The following HMCN1 variants were observed in gnomAD, a reference collection of about 807,000 sequenced individuals.
HMCN1 encodes the protein hemicentin 1.
In HMCN1, 321 loss-of-function variants were observed where a neutral mutation model predicts 625.9. The ratio of observed to expected loss-of-function variants is 0.51; its 90% CI spans 0.47 to 0.56. The LOEUF (loss-of-function observed/expected upper bound fraction) is 0.56. HMCN1 is among the 20% of genes least tolerant of loss of function. The pLI, the probability that HMCN1 is intolerant of heterozygous loss-of-function variation, is 0.00. For missense variants in HMCN1, 6,588 were observed against 6,887.3 expected (o/e 0.96, Z 1.54); for synonymous variants, 2,425 against 2,417.6 (o/e 1.00, Z -0.09).
At chr1:186,052,905 A>G (rs1657057012) in intron 42 of HMCN1, 47 bp from the exon 43 acceptor site, 2 of 1,487,522 alleles carry the variant, frequency 1.3e-6, no homozygotes, top group Non-Finnish European at 1.9e-6. Context: ...TGTTATGAGA[A>G]TTCTATATGA....
At chr1:186,012,314 G>GT (rs1282606915) in intron 30 of HMCN1, among the ~76,000 whole-genome samples, 1 of 149,808 alleles carries the variant, frequency 6.7e-6, no homozygotes, top group Non-Finnish European at 1.5e-5. Context: ...ATAAATTAGT[G>GT]TTTTTTTCAA....
chr1:185,849,925 A>C (rs930875808), intron 2 of HMCN1, among the ~76,000 whole-genome samples: 8 of 152,130 alleles, frequency 5.3e-5, no homozygotes, highest in South Asian at 2.1e-4. Context: ...CTCTGCCTCA[A>C]TATAGCAAAA....
At chr1:185,954,393 A>G (rs920581275) in intron 11 of HMCN1, among the ~76,000 whole-genome samples, 1 of 152,150 alleles carries the variant, frequency 6.6e-6, no homozygotes, top group Non-Finnish European at 1.5e-5. Flanking sequence ...ATATTAATCA[A>G]TGGAGTATCT....
chr1:186,174,786 A>G, intron 103 of HMCN1, 144 bp downstream of exon 103: 1 of 751,684 alleles, frequency 1.3e-6, no homozygotes, highest in Admixed American at 2.1e-5. Context: ...GTCATTCAAC[A>G]CAATTTGGAT....
intron 89 of HMCN1, among the ~76,000 whole-genome samples, chr1:186,139,714 T>C (rs1217006771): frequency 1.3e-5 from 2 of 152,120 alleles, no homozygotes; most frequent in East Asian, 3.9e-4. Context: ...AATGAAAGCA[T>C]GTATTTCTTC....
intron 105 of HMCN1, among the ~76,000 whole-genome samples, chr1:186,184,668 C>CTT (rs386368996): frequency 6.6e-6 from 1 of 152,050 alleles, no homozygotes; most frequent in African/African-American, 2.4e-5. Flanking sequence ...ATCTAAATTA[C>CTT]TTATATTTTC....
intron 93 of HMCN1, among the ~76,000 whole-genome samples, chr1:186,147,861 TGA>T (rs1447061609): frequency 6.6e-6 from 1 of 152,234 alleles, no homozygotes; most frequent in Non-Finnish European, 1.5e-5. Context: ...GCCTTGATGT[TGA>T]TGGCTGCTGA....
In HMCN1 at chr1:186,128,136, A is replaced by G; in HGVS notation, c.12749A>G (p.His4250Arg). 1 of 1,613,678 alleles carries G rather than the reference A, an allele frequency of 6.2e-7. No individual in the cohort carries two copies. Among genetic ancestry groups the G allele is most frequent in the Non-Finnish European group, 8.5e-7 (1 of 1,179,730 alleles). ...VANNAAGEDT[H>R]TVSLTVHVLP... The stretch of plus-strand genomic sequence containing the variant: ...AACAATGCTGCAGGTGAAGATACAC[A>G]CACTGTCAGCCTGACTGTGCATGTT... Residue 4250 changes from histidine to arginine, a missense_variant, in exon 83 of 107, where the codon CAC (histidine) becomes CGC (arginine). His to Arg is a conservative substitution (Grantham distance 29, BLOSUM62 0). Coordinates refer to ENST00000271588, the MANE Select transcript of HMCN1 (RefSeq NM_031935.3).
chr1:185,749,999 T>C (rs1339689071), intron 1 of HMCN1, among the ~76,000 whole-genome samples: 1 of 152,224 alleles, frequency 6.6e-6, no homozygotes, highest in African/African-American at 2.4e-5. Context: ...AAGCCTTCCC[T>C]GATTACCCAC....
intron 1 of HMCN1, among the ~76,000 whole-genome samples, chr1:185,741,347 G>T (rs1221772865): frequency 6.6e-6 from 1 of 152,176 alleles, no homozygotes; most frequent in Non-Finnish European, 1.5e-5. Flanking sequence ...TTTGATAAAG[G>T]GTGGTAGGAT....
intron 11 of HMCN1, among the ~76,000 whole-genome samples, chr1:185,952,396 G>A (rs1409285270): frequency 2.0e-5 from 3 of 151,590 alleles, no homozygotes; most frequent in Non-Finnish European, 4.4e-5. Flanking sequence ...TGTAGAAAAG[G>A]AAGATTAGAA....
chr1:185,761,970 C>T (rs1240163471), intron 1 of HMCN1, among the ~76,000 whole-genome samples: 3 of 152,034 alleles, frequency 2.0e-5, no homozygotes, highest in Non-Finnish European at 4.4e-5. Flanking sequence ...TGACTTTGTA[C>T]AAAGGATAAG....
At chr1:185,789,645 A>C (rs972964163) in intron 1 of HMCN1, among the ~76,000 whole-genome samples, 6 of 152,238 alleles carry the variant, frequency 3.9e-5, no homozygotes, top group African/African-American at 1.4e-4. Context: ...TGAATGAAGA[A>C]TGATACTTTC....
intron 4 of HMCN1, among the ~76,000 whole-genome samples, chr1:185,881,001 G>A (rs151164902): frequency 1.0e-3 from 157 of 152,318 alleles, no homozygotes; most frequent in African/African-American, 3.4e-3. Context: ...AAATCTTTGC[G>A]GCAGCATCCA....
chr1:186,009,640 G>T (rs553506238), intron 30 of HMCN1, among the ~76,000 whole-genome samples: 1 of 151,868 alleles, frequency 6.6e-6, no homozygotes, highest in South Asian at 2.1e-4. Flanking sequence ...ACACTTAAAA[G>T]GTATAAATGA....
chr1:185,877,072 G>GTTGATTTT (rs1405682722), intron 4 of HMCN1, among the ~76,000 whole-genome samples: 1 of 151,852 alleles, frequency 6.6e-6, no homozygotes, highest in African/African-American at 2.4e-5. Flanking sequence ...CCCATCTTGA[G>GTTGATTTT]TTGATTTTTG....
chr1:186,107,378 G>C (rs1429442020), intron 70 of HMCN1, among the ~76,000 whole-genome samples: 1 of 152,124 alleles, frequency 6.6e-6, no homozygotes, highest in African/African-American at 2.4e-5. Context: ...TTAATAATTT[G>C]TATTCATTGG....
intron 4 of HMCN1, among the ~76,000 whole-genome samples, chr1:185,877,070 GA>G (rs1663986114): frequency 6.6e-6 from 1 of 151,870 alleles, no homozygotes; most frequent in Non-Finnish European, 1.5e-5. Context: ...AACCCATCTT[GA>G]GTTGATTTTT....
Position 185,965,831 on chromosome 1 carries a change from G to A in HMCN1, c.2128G>A (p.Glu710Lys). The part of the protein sequence containing the change: ...EAPKLMVVQS[E>K]LLVALGDITV... ...CCCTAAGTTGATGGTAGTTCAGAGTGAGCTCTTGGTTGCCCTTGGGGATAT... is the reference window on the plus strand; with the variant it reads ...CCCTAAGTTGATGGTAGTTCAGAGTAAGCTCTTGGTTGCCCTTGGGGATAT... Residue 710 changes from glutamate (E) to lysine (K), a missense_variant, in exon 14 of 107, where the codon GAG becomes AAG. Coordinates refer to ENST00000271588, the MANE Select transcript of HMCN1 (RefSeq NM_031935.3). 1 of 1,612,038 alleles carries A rather than the reference G, an allele frequency of 6.2e-7. No homozygotes were observed.
Sources: gnomAD v4.1 joint callset for allele counts (sites outside exome capture counted in the v4.1 genomes callset) on GRCh38, gnomAD v4.1.1 for gene constraint, MANE v1.5 for transcripts, NCBI Gene and HGNC (gene_info 2026-07-23, HGNC 2026-07-21) for gene names.